The following POU6F2 variants were observed in gnomAD, a reference collection of about 807,000 sequenced individuals.
POU6F2 encodes the protein POU domain, class 6, transcription factor 2.
POU6F2 carries 31 observed loss-of-function variants against 71.3 expected under a neutral mutation model. That is an observed-to-expected ratio of 0.43 (90% CI 0.33 to 0.59). The LOEUF is 0.59. POU6F2 is among the 20% of genes least tolerant of loss of function. POU6F2 has a pLI of 0.04. For synonymous variants in POU6F2, 347 were observed against 355.7 expected, an observed-to-expected ratio of 0.98 and a Z score of 0.27; for missense variants, 783 against 856.8, an observed-to-expected ratio of 0.91 and a Z score of 1.07.
At chr7:39,446,524 A>G (rs1788527364) in intron 7 of POU6F2, among the ~76,000 whole-genome samples, 1 of 152,256 alleles carries the variant, frequency 6.6e-6, no homozygotes, top group Non-Finnish European at 1.5e-5. Context: ...TTAACGATAT[A>G]CCGCATAACA....
At chr7:39,185,635 G>T (rs1443753709) in intron 2 of POU6F2, among the ~76,000 whole-genome samples, 1 of 151,942 alleles carries the variant, frequency 6.6e-6, no homozygotes, top group Non-Finnish European at 1.5e-5. Context: ...TCTTTCAGGT[G>T]ATCTCCTGAA....
At chr7:39,348,844 T>A (rs1256221646) in intron 5 of POU6F2, among the ~76,000 whole-genome samples, 1 of 152,190 alleles carries the variant, frequency 6.6e-6, no homozygotes, top group Non-Finnish European at 1.5e-5. Context: ...TTCCTGTATA[T>A]TTTGCAAAGA....
intron 5 of POU6F2, among the ~76,000 whole-genome samples, chr7:39,377,415 G>A (rs532418231): frequency 6.6e-6 from 1 of 152,286 alleles, no homozygotes; most frequent in East Asian, 1.9e-4. Flanking sequence ...ACAGGCATGA[G>A]CCACCATGCA....
chr7:39,245,273 G>T (rs540853646), intron 4 of POU6F2, among the ~76,000 whole-genome samples: 1 of 152,194 alleles, frequency 6.6e-6, no homozygotes, highest in South Asian at 2.1e-4. Flanking sequence ...AGACAGCTTC[G>T]TAAAACTTGA....
chr7:39,411,973 A>T (rs940641217), intron 6 of POU6F2, among the ~76,000 whole-genome samples: 1 of 152,226 alleles, frequency 6.6e-6, no homozygotes, highest in Non-Finnish European at 1.5e-5. Flanking sequence ...TTGAAGCAAC[A>T]TGACGTTCAG....
intron 4 of POU6F2, among the ~76,000 whole-genome samples, chr7:39,270,156 C>G (rs934628240): frequency 6.6e-6 from 1 of 152,104 alleles, no homozygotes; most frequent in Admixed American, 6.5e-5. Flanking sequence ...CAAATTCCAG[C>G]GGGGGAGACC....
At chr7:39,182,554 G>A (rs1269714642) in intron 2 of POU6F2, among the ~76,000 whole-genome samples, 2 of 151,806 alleles carry the variant, frequency 1.3e-5, no homozygotes, top group African/African-American at 2.4e-5. Flanking sequence ...TTCTTTTCTC[G>A]ATCCCTTTAA....
intron 4 of POU6F2, among the ~76,000 whole-genome samples, chr7:39,308,122 T>G (rs1785081862): frequency 6.6e-6 from 1 of 152,158 alleles, no homozygotes; most frequent in Non-Finnish European, 1.5e-5. Flanking sequence ...GTAGAAGGAC[T>G]TTCTACACCA....
intron 4 of POU6F2, among the ~76,000 whole-genome samples, chr7:39,298,505 T>C (rs774715875): frequency 2.0e-5 from 3 of 151,928 alleles, no homozygotes; most frequent in Non-Finnish European, 4.4e-5. Context: ...CAAGAAACAA[T>C]AGAATGCTGG....
intron 2 of POU6F2, among the ~76,000 whole-genome samples, chr7:39,143,172 T>C (rs1259047470): frequency 6.6e-6 from 1 of 152,214 alleles, no homozygotes; most frequent in Non-Finnish European, 1.5e-5. Context: ...CTCTCGCCTT[T>C]GGTGGTCTCC....
At chr7:39,131,178 T>G (rs1792269671) in intron 2 of POU6F2, among the ~76,000 whole-genome samples, 2 of 152,230 alleles carry the variant, frequency 1.3e-5, no homozygotes, top group South Asian at 4.1e-4. Context: ...CTCCGGTCCT[T>G]TATTGCTTTT....
At chr7:39,010,084 T>G (rs2128702799) in intron 1 of POU6F2, among the ~76,000 whole-genome samples, 1 of 124,808 alleles carries the variant, frequency 8.0e-6, no homozygotes, top group African/African-American at 2.8e-5. Context: ...ATTGGAATAG[T>G]TTCAGAAGGA....
chr7:39,066,263 A>G (rs2128717063), intron 1 of POU6F2, among the ~76,000 whole-genome samples: 1 of 151,878 alleles, frequency 6.6e-6, no homozygotes, highest in East Asian at 1.9e-4. Context: ...ACCAACACCA[A>G]ATATGCTTCA....
Position 39,464,309 on chromosome 7 carries a change from A to G in POU6F2, c.1786A>G (p.Thr596Ala). The stretch of plus-strand genomic sequence containing the variant: ...TGCCAGGTTTGAAAAGCTGGACATC[A>G]CCCCTAAAAGTGCCCAGAAGATCAA... ...YPARFEKLDI[T>A]PKSAQKIKPV... Residue 596 changes from threonine (T) to alanine (A), a missense_variant, in exon 10 of 10, where the codon ACC (threonine) becomes GCC (alanine). Coordinates refer to ENST00000518318, the MANE Select transcript of POU6F2 (RefSeq NM_001370959.1). The surrounding 1 kb of genome is among the most constrained non-coding windows in gnomAD (Gnocchi z 4.1). 6.2e-7 allele frequency: 1 copy of G among 1,613,870 alleles called. No individual in the cohort carries two copies. Among genetic ancestry groups the G allele is most frequent in the Non-Finnish European group, 8.5e-7 (1 of 1,179,864 alleles).
chr7:39,372,428 T>A (rs755302271), intron 5 of POU6F2, among the ~76,000 whole-genome samples: 5 of 152,212 alleles, frequency 3.3e-5, no homozygotes, highest in Non-Finnish European at 7.3e-5. Flanking sequence ...ATACAATTCC[T>A]TATAATGGAG....
chr7:39,460,176 A>G lies in POU6F2; in HGVS notation c.1490-371A>G, dbSNP rs376978869. Among the ~76,000 whole-genome samples, 46 of 152,324 alleles carry G rather than the reference A, an allele frequency of 3.0e-4. 1 individual carries two copies. The South Asian group carries it at 9.1e-3, about 30-fold the overall frequency. ...TTCAAATGGAAACCTTTCCCTTTTT[A>G]TATTTTTGCACAATATTTGAACATA... On this transcript the variant is annotated intron_variant, in intron 8 of 9. Transcript: ENST00000518318. This position sits in a 1 kb window ranked among gnomAD's most constrained non-coding sequence, Gnocchi z 4.4.
chr7:39,223,417 A>G (rs1268554210), intron 4 of POU6F2, among the ~76,000 whole-genome samples: 6 of 152,214 alleles, frequency 3.9e-5, no homozygotes, highest in African/African-American at 1.2e-4. Context: ...TCTTTTTACC[A>G]TGAAAGAAAT....
intron 4 of POU6F2, 34 bp downstream of exon 4, chr7:39,207,654 C>A: frequency 6.3e-7 from 1 of 1,581,090 alleles, no homozygotes; most frequent in South Asian, 1.1e-5. Flanking sequence ...ACGTAAGGCT[C>A]TACCCGTTGG....
chr7:39,279,701 C>CTG (rs1405042730), intron 4 of POU6F2, among the ~76,000 whole-genome samples: 1 of 152,100 alleles, frequency 6.6e-6, no homozygotes, highest in African/African-American at 2.4e-5. Context: ...CATCTTCCCT[C>CTG]TGTGTGTGTC....
Sources: allele counts gnomAD v4.1 joint callset (sites outside exome capture counted in the v4.1 genomes callset), GRCh38; gene constraint gnomAD v4.1.1; non-coding constraint Gnocchi (gnomAD v3.1); transcripts MANE v1.5; gene names NCBI Gene and HGNC (gene_info 2026-07-23, HGNC 2026-07-21).